ABCC2: variants seen among roughly 807,000 people sequenced by gnomAD.
ABCC2 encodes the protein ATP-binding cassette sub-family C member 2.
A neutral mutation model predicts 173.4 loss-of-function variants in ABCC2; 157 were observed. The observed-to-expected ratio is 0.91, with a 90% CI of 0.80 to 1.03. The LOEUF is 1.03. Ranked by LOEUF, ABCC2 falls within the 50% of genes least tolerant of loss-of-function variation. ABCC2 has a pLI of 0.00. For missense variants in ABCC2, 1,822 were observed against 1,852.3 expected (o/e 0.98, Z 0.30); for synonymous variants, 657 against 693.5 (o/e 0.95, Z 0.83).
intron 9 of ABCC2, among the ~76,000 whole-genome samples, chr10:99,803,738 G>A (rs567083370): frequency 6.6e-6 from 1 of 152,268 alleles, no homozygotes; most frequent in South Asian, 2.1e-4. Flanking sequence ...CTTATAAGAA[G>A]TTACATCTCA....
At chr10:99,811,044 C>T (rs2038203535) in intron 14 of ABCC2, among the ~76,000 whole-genome samples, 1 of 151,662 alleles carries the variant, frequency 6.6e-6, no homozygotes, top group Admixed American at 6.6e-5. Flanking sequence ...AAGAAAAGGA[C>T]TTTAGGCTGG....
intron 14 of ABCC2, 135 bp from the exon 15 acceptor site, chr10:99,811,401 C>G (rs1266379504): frequency 2.4e-6 from 2 of 841,026 alleles, no homozygotes; most frequent in Admixed American, 3.9e-5. Context: ...ATTTCATTCA[C>G]CTCCTGTTAG....
intron 17 of ABCC2, 111 bp downstream of exon 17, chr10:99,817,595 C>A: frequency 8.4e-7 from 1 of 1,196,514 alleles, no homozygotes; most frequent in South Asian, 1.3e-5. Context: ...TTTAGGTAGT[C>A]ATATTTGGAA....
In ABCC2 at chr10:99,794,018, C is replaced by A; in HGVS notation, c.576+19C>A. On this transcript the variant is annotated intron_variant, in intron 5 of 31. Transcript: ENST00000647814. ...ATCAAATGTGAGATTCTAAATATGC[C>A]CATCTCATATATTACTTAATTGGAT... 6.4e-7 allele frequency: 1 copy of A among 1,553,676 alleles called. No homozygotes were observed.
At chr10:99,792,453 G>A (rs2037826050) in intron 3 of ABCC2, 94 bp downstream of exon 3, 2 of 1,564,876 alleles carry the variant, frequency 1.3e-6, no homozygotes, top group Admixed American at 3.4e-5. Flanking sequence ...TAATTCCAAG[G>A]TCATCTGTCT....
intron 25 of ABCC2, among the ~76,000 whole-genome samples, chr10:99,840,434 G>A (rs1466721366): frequency 6.8e-6 from 1 of 146,502 alleles, no homozygotes; most frequent in East Asian, 2.1e-4. Context: ...CCCAGCCCGC[G>A]GCGCCTTCGA....
intron 24 of ABCC2, 107 bp from the exon 25 acceptor site, chr10:99,835,984 A>T (rs2038813971): frequency 9.1e-7 from 1 of 1,097,716 alleles, no homozygotes; most frequent in East Asian, 2.4e-5. Flanking sequence ...TTCAGACGTA[A>T]GCTGTGCCCA....
chr10:99,804,701 T>C lies in ABCC2; in HGVS notation c.1464+428T>C. On this transcript the variant is annotated intron_variant, in intron 10 of 31. Transcript: ENST00000647814. ...GCTACCACCAGGTGGGAGGGCTCCG[T>C]GTGGACAGTGTCCTCAGTCCTGCCA... 1.3e-5 allele frequency among the ~76,000 whole-genome samples: 2 copies of C among 152,188 alleles called. 1 individual carries two copies. Among genetic ancestry groups the C allele is most frequent in the East Asian group, 3.9e-4 (2 of 5,190 alleles).
chr10:99,806,201 A>G (rs1027559935), intron 11 of ABCC2, among the ~76,000 whole-genome samples: 1 of 151,818 alleles, frequency 6.6e-6, no homozygotes, highest in African/African-American at 2.4e-5. Context: ...TGATTGATTT[A>G]TATTTGATTT....
intron 19 of ABCC2, among the ~76,000 whole-genome samples, chr10:99,820,390 TCACACACACA>T (rs10555122): frequency 6.8e-6 from 1 of 146,450 alleles, no homozygotes; most frequent in East Asian, 2.0e-4. Context: ...AAACTCCATC[TCACACACACA>T]CACACACACA....
rs775053921 is a variant in ABCC2, at chr10:99,794,045, A to T, written c.576+46A>T. On this transcript the variant is annotated intron_variant, in intron 5 of 31. Coordinates refer to ENST00000647814, the MANE Select transcript of ABCC2 (RefSeq NM_000392.5). ...ATCTCATATATTACTTAATTGGATG[A>T]TATCTTAATGAATATAACTTTAAGA... 49 of 1,514,258 alleles carry T rather than the reference A, an allele frequency of 3.2e-5. No homozygotes were observed. In the Admixed American group the frequency reaches 8.2e-4, roughly 25 times the overall value. The allele number at this position is 1,514,258 out of a possible 1,614,324, so 93.8% of individuals were successfully genotyped here. A position where few individuals can be genotyped will look rare whatever the true frequency, so the allele number is the denominator to read the frequency against.
At chr10:99,795,939 A>C (rs1460239158) in intron 6 of ABCC2, among the ~76,000 whole-genome samples, 1 of 152,186 alleles carries the variant, frequency 6.6e-6, no homozygotes, top group Non-Finnish European at 1.5e-5. Flanking sequence ...CAGAAGTTTG[A>C]GGCTGCAGTC....
chr10:99,823,625 TGC>T, intron 19 of ABCC2, among the ~76,000 whole-genome samples: 1 of 147,682 alleles, frequency 6.8e-6, no homozygotes. Context: ...CTGTGTAAGC[TGC>T]TTTTCCATTG....
At chr10:99,798,401 G>A (rs921742207) in intron 7 of ABCC2, among the ~76,000 whole-genome samples, 4 of 152,114 alleles carry the variant, frequency 2.6e-5, no homozygotes, top group South Asian at 2.1e-4. Flanking sequence ...TGACTGAGTC[G>A]TAATGCCCCA....
At chr10:99,851,441 TA>T (rs1564704123) in intron 31 of ABCC2, 60 bp from the exon 32 acceptor site, 18 of 1,604,540 alleles carry the variant, frequency 1.1e-5, no homozygotes, top group Non-Finnish European at 1.4e-5. Flanking sequence ...GTTATTCTTA[TA>T]AATGCCTAGA....
At chr10:99,819,645 C>T (rs967860719) in intron 19 of ABCC2, among the ~76,000 whole-genome samples, 1 of 152,182 alleles carries the variant, frequency 6.6e-6, no homozygotes, top group African/African-American at 2.4e-5. Context: ...CCATCTACCC[C>T]AAATCCATTA....
Position 99,831,786 on chromosome 10 carries a change from G to C in ABCC2, c.3059G>C (p.Arg1020Thr). Residue 1020 changes from arginine (R) to threonine (T), a missense_variant, in exon 22 of 32, where the codon AGG becomes ACG. Coordinates refer to ENST00000647814, the MANE Select transcript of ABCC2 (RefSeq NM_000392.5). ...AGCACCGACTATCCAGCATCTCAGA[G>C]GGACATGAGAGTTGGAGTCTACGGA... ...FNSTDYPASQ[R>T]DMRVGVYGAL... 6.2e-7 allele frequency: 1 copy of C among 1,614,204 alleles called. No individual in the cohort carries two copies. Among genetic ancestry groups the C allele is most frequent in the Non-Finnish European group, 8.5e-7 (1 of 1,180,038 alleles).
chr10:99,799,585 T>C (rs1245592016), intron 8 of ABCC2, among the ~76,000 whole-genome samples: 2 of 152,196 alleles, frequency 1.3e-5, no homozygotes, highest in African/African-American at 4.8e-5. Context: ...CTCTTTTCCA[T>C]GTCTGTCTCC....
chr10:99,820,390 TCACA>T (rs10555122), intron 19 of ABCC2, among the ~76,000 whole-genome samples: 1 of 146,502 alleles, frequency 6.8e-6, no homozygotes, highest in Non-Finnish European at 1.5e-5. Flanking sequence ...AAACTCCATC[TCACA>T]CACACACACA....
Sources: allele counts gnomAD v4.1 joint callset (sites outside exome capture counted in the v4.1 genomes callset), GRCh38; gene constraint gnomAD v4.1.1; transcripts MANE v1.5; gene names NCBI Gene and HGNC (gene_info 2026-07-23, HGNC 2026-07-21).